PSD3: variants seen among roughly 807,000 people sequenced by gnomAD.
PSD3 encodes PH and SEC7 domain-containing protein 3.
In PSD3, 49 loss-of-function variants were observed where a neutral mutation model predicts 105.5. That is an observed-to-expected ratio of 0.46 (90% CI 0.37 to 0.59). The LOEUF (loss-of-function observed/expected upper bound fraction) is 0.59. Ranked by LOEUF, PSD3 falls within the 20% of genes least tolerant of loss-of-function variation. The pLI is 0.00. For synonymous variants in PSD3, 557 were observed against 457.8 expected (o/e 1.22, Z -2.77); for missense variants, 1,561 against 1,263.8 (o/e 1.24, Z -3.57).
chr8:18,855,062 C>CAGCCCTAACAGGGATAGG (rs1815900908), intron 4 of PSD3, among the ~76,000 whole-genome samples: 1 of 152,218 alleles, frequency 6.6e-6, no homozygotes, highest in Non-Finnish European at 1.5e-5. Context: ...GAGTGTGTGT[C>CAGCCCTAACAGGGATAGG]AGCCCTAACA....
intron 11 of PSD3, among the ~76,000 whole-genome samples, chr8:18,612,472 A>T (rs1212442662): frequency 6.6e-6 from 1 of 151,990 alleles, no homozygotes; most frequent in Non-Finnish European, 1.5e-5. Flanking sequence ...TCCTGGGTTC[A>T]AGCCATTCCC....
chr8:18,749,881 C>T (rs924720595), intron 9 of PSD3, among the ~76,000 whole-genome samples: 21 of 152,304 alleles, frequency 1.4e-4, no homozygotes, highest in African/African-American at 5.1e-4. Flanking sequence ...TATGACCACA[C>T]AGAACTTAAT....
chr8:18,676,606 TAC>T (rs1424828125), intron 9 of PSD3, among the ~76,000 whole-genome samples: 5 of 152,302 alleles, frequency 3.3e-5, no homozygotes, highest in Non-Finnish European at 4.4e-5. Flanking sequence ...ACAATTGATT[TAC>T]AGCCTTGTTG....
intron 14 of PSD3, among the ~76,000 whole-genome samples, chr8:18,571,914 G>C (rs1267803062): frequency 6.6e-6 from 1 of 151,754 alleles, no homozygotes; most frequent in Non-Finnish European, 1.5e-5. Context: ...AGTGTCCTTA[G>C]AAGAGTTTTA....
chr8:18,530,144 C>G lies in PSD3; in HGVS notation c.*5599G>C, dbSNP rs1279289220. The G allele has an allele frequency of 6.6e-6, 1 of 152,600 alleles. No individual in the cohort carries two copies. The highest frequency in any genetic ancestry group is 1.5e-5 in the Non-Finnish European group (1 of 68,040). 9.5% of individuals were successfully genotyped at this position (152,600 alleles called of 1,614,324 possible). A position where few individuals can be genotyped will look rare whatever the true frequency, so the allele number is the denominator to read the frequency against. On this transcript the variant is annotated 3_prime_UTR_variant, in exon 16 of 16. Coordinates refer to ENST00000327040, the MANE Select transcript of PSD3 (RefSeq NM_015310.4). The stretch of plus-strand genomic sequence containing the variant: ...CTGCACTCAGCCACTCACTCAAACA[C>G]ACTCAGTCACTGCTTTAAATATACC...
At chr8:18,713,338 A>T (rs1289993349) in intron 9 of PSD3, among the ~76,000 whole-genome samples, 2 of 152,208 alleles carry the variant, frequency 1.3e-5, no homozygotes, top group East Asian at 3.9e-4. Context: ...AGAGAAGTCA[A>T]ATTGTCTTTG....
chr8:18,774,608 G>T (rs1563250843), intron 8 of PSD3: 1 of 376,480 alleles, frequency 2.7e-6, no homozygotes, highest in Non-Finnish European at 5.1e-6. Flanking sequence ...GCTGCTTCTT[G>T]GTCTTCAGGT....
chr8:18,893,437 T>A (rs1818941251), intron 2 of PSD3, among the ~76,000 whole-genome samples: 1 of 152,254 alleles, frequency 6.6e-6, no homozygotes, highest in Non-Finnish European at 1.5e-5. Context: ...ATCGAGTTGA[T>A]TTCCAGCTAG....
chr8:19,006,733 C>T (rs774863215), intron 1 of PSD3, among the ~76,000 whole-genome samples: 1 of 152,096 alleles, frequency 6.6e-6, no homozygotes, highest in Non-Finnish European at 1.5e-5. Flanking sequence ...ACTTACCTAT[C>T]TTTAAAACTC....
chr8:18,707,559 A>T (rs1046827105), intron 9 of PSD3, among the ~76,000 whole-genome samples: 5 of 152,142 alleles, frequency 3.3e-5, no homozygotes, highest in African/African-American at 1.2e-4. Flanking sequence ...TAAAAACAAA[A>T]AGTGCAAGAC....
intron 1 of PSD3, among the ~76,000 whole-genome samples, chr8:18,941,843 T>C (rs1025833623): frequency 1.2e-4 from 12 of 103,374 alleles, no homozygotes; most frequent in African/African-American, 4.8e-4. Context: ...TGGCTAATTT[T>C]TGTATTTTTA....
chr8:18,950,229 G>T (rs7844247), intron 1 of PSD3, among the ~76,000 whole-genome samples: 51,366 of 152,012 alleles, frequency 0.34, 8,872 homozygotes, highest in Middle Eastern at 0.51. Flanking sequence ...AAGCCAAAAG[G>T]AATAAACTTC....
chr8:18,705,934 T>C (rs917704040), intron 9 of PSD3, among the ~76,000 whole-genome samples: 2 of 152,238 alleles, frequency 1.3e-5, no homozygotes, highest in Non-Finnish European at 2.9e-5. Context: ...CTGCATATCC[T>C]ACTCCCAAGG....
intron 1 of PSD3, among the ~76,000 whole-genome samples, chr8:18,980,486 G>A (rs889635829): frequency 6.6e-6 from 1 of 152,128 alleles, no homozygotes; most frequent in Non-Finnish European, 1.5e-5. Context: ...GGTTTTATCA[G>A]TCTGACAATC....
chr8:18,732,368 C>G (rs1803824540), intron 9 of PSD3, among the ~76,000 whole-genome samples: 1 of 152,224 alleles, frequency 6.6e-6, no homozygotes, highest in South Asian at 2.1e-4. Flanking sequence ...ATCTATTGCT[C>G]TGTAACAAGC....
At chr8:18,662,705 G>C (rs563196269) in intron 9 of PSD3, among the ~76,000 whole-genome samples, 4 of 152,094 alleles carry the variant, frequency 2.6e-5, no homozygotes, top group Non-Finnish European at 5.9e-5. Context: ...GCTTGAGAAA[G>C]ACCTTAGCTA....
intron 1 of PSD3, among the ~76,000 whole-genome samples, chr8:19,070,964 A>T (rs909047861): frequency 6.6e-6 from 1 of 151,960 alleles, no homozygotes. Context: ...TTATTTTTAA[A>T]CCCTCTTCAA....
chr8:18,612,243 G>C (rs1442202453), intron 11 of PSD3, among the ~76,000 whole-genome samples: 1 of 152,132 alleles, frequency 6.6e-6, no homozygotes, highest in Non-Finnish European at 1.5e-5. Flanking sequence ...ATGTTTCCCA[G>C]ATTCTTGCTT....
intron 7 of PSD3, 106 bp downstream of exon 7, chr8:18,801,164 C>T (rs1810645469): frequency 6.3e-6 from 4 of 633,910 alleles, no homozygotes; most frequent in Non-Finnish European, 1.1e-5. Context: ...ATAGTTATCA[C>T]TAGGTAACTG....
Sources: gnomAD v4.1 joint callset for allele counts (sites outside exome capture counted in the v4.1 genomes callset) on GRCh38, gnomAD v4.1.1 for gene constraint, MANE v1.5 for transcripts, NCBI Gene and HGNC (gene_info 2026-07-23, HGNC 2026-07-21) for gene names.